NELL1: variants seen among roughly 807,000 people sequenced by gnomAD.
NELL1 encodes the protein neural EGFL like 1.
In NELL1, 76 loss-of-function variants were observed where a neutral mutation model predicts 107.4. The observed-to-expected ratio is 0.71, with a 90% CI of 0.59 to 0.86. The LOEUF is 0.86. Among genes scored for constraint, NELL1 ranks in the 40% least tolerant of loss-of-function variants. NELL1 has a pLI of 0.00. For missense variants in NELL1, 1,024 were observed against 1,005.5 expected, an observed-to-expected ratio of 1.02 and a Z score of -0.25; for synonymous variants, 353 against 341.2, an observed-to-expected ratio of 1.03 and a Z score of -0.38.
chr11:21,126,043 C>T (rs1020187595), intron 13 of NELL1, among the ~76,000 whole-genome samples: 1 of 152,174 alleles, frequency 6.6e-6, no homozygotes, highest in Non-Finnish European at 1.5e-5. Flanking sequence ...TTAGCAATTA[C>T]TACCTCTACA....
chr11:21,072,727 C>T (rs972130577), intron 12 of NELL1, among the ~76,000 whole-genome samples: 1 of 152,148 alleles, frequency 6.6e-6, no homozygotes, highest in Admixed American at 6.6e-5. Context: ...AAGTGAAGAA[C>T]GTATGCTTCA....
Position 21,286,145 on chromosome 11 carries a change from C to G in NELL1, c.1549+56691C>G, listed in dbSNP as rs1849110289. ...TCTTACAGTTTCCACCAGGCTCTGC[C>G]TTAATCATATTACCTTGGTCTAACC... On this transcript the variant is annotated intron_variant, in intron 14 of 19. Coordinates refer to ENST00000357134, the MANE Select transcript of NELL1 (RefSeq NM_006157.5). 2.0e-5 allele frequency among the ~76,000 whole-genome samples: 3 copies of G among 152,172 alleles called. No homozygotes were observed. In the South Asian group the frequency reaches 6.2e-4, roughly 31 times the overall value.
intron 12 of NELL1, among the ~76,000 whole-genome samples, chr11:21,017,469 T>G (rs1055839550): frequency 6.6e-6 from 1 of 152,114 alleles, no homozygotes; most frequent in South Asian, 2.1e-4. Context: ...TGATTATCTC[T>G]AATTACCTAT....
chr11:20,734,094 A>AG (rs1189998372), intron 2 of NELL1, among the ~76,000 whole-genome samples: 1 of 152,216 alleles, frequency 6.6e-6, no homozygotes, highest in Non-Finnish European at 1.5e-5. Context: ...TTCCTACTCC[A>AG]GGAGAAGGAC....
At chr11:20,687,170 C>T (rs916265909) in intron 2 of NELL1, among the ~76,000 whole-genome samples, 3 of 150,614 alleles carry the variant, frequency 2.0e-5, no homozygotes, top group East Asian at 3.9e-4. Context: ...GAAGGCCTCT[C>T]GTAATTTTAA....
intron 5 of NELL1, among the ~76,000 whole-genome samples, chr11:20,892,293 A>C (rs541306267): frequency 6.6e-6 from 1 of 152,332 alleles, no homozygotes; most frequent in East Asian, 1.9e-4. Flanking sequence ...TTAAGGCAGA[A>C]ATCAAGAAGT....
intron 15 of NELL1, among the ~76,000 whole-genome samples, chr11:21,382,677 C>T (rs533808433): frequency 6.6e-6 from 1 of 151,916 alleles, no homozygotes; most frequent in Admixed American, 6.6e-5. Context: ...CCCTTTGTAA[C>T]TTTACCATTA....
At chr11:20,746,693 T>C (rs916366149) in intron 2 of NELL1, among the ~76,000 whole-genome samples, 8 of 152,180 alleles carry the variant, frequency 5.3e-5, no homozygotes, top group African/African-American at 1.9e-4. Flanking sequence ...TGAAATCTTA[T>C]TTACAAGATA....
chr11:21,295,448 G>A (rs1326989458), intron 14 of NELL1, among the ~76,000 whole-genome samples: 1 of 152,010 alleles, frequency 6.6e-6, no homozygotes, highest in Non-Finnish European at 1.5e-5. Context: ...AGTAATGACA[G>A]ACAAAAAGAG....
intron 15 of NELL1, among the ~76,000 whole-genome samples, chr11:21,403,794 T>C (rs1371920828): frequency 6.6e-6 from 1 of 151,732 alleles, no homozygotes; most frequent in African/African-American, 2.4e-5. Flanking sequence ...AGCATCTACC[T>C]GGACACAGAA....
intron 15 of NELL1, among the ~76,000 whole-genome samples, chr11:21,518,972 G>C (rs1855643388): frequency 6.6e-6 from 1 of 152,092 alleles, no homozygotes; most frequent in African/African-American, 2.4e-5. Context: ...GCAATATGTA[G>C]CTCCAGGGTT....
chr11:21,229,498 C>T (rs745615503), intron 14 of NELL1, 44 bp downstream of exon 14: 1 of 1,610,994 alleles, frequency 6.2e-7, no homozygotes, highest in Admixed American at 1.7e-5. Context: ...AGCCATTCTG[C>T]CTGGGCTCTT....
At chr11:21,471,417 C>A (rs1054687097) in intron 15 of NELL1, among the ~76,000 whole-genome samples, 1 of 152,034 alleles carries the variant, frequency 6.6e-6, no homozygotes, top group Non-Finnish European at 1.5e-5. Context: ...TTCATCCTAA[C>A]AAGCCATCTT....
At chr11:21,429,634 A>C (rs1852918411) in intron 15 of NELL1, among the ~76,000 whole-genome samples, 1 of 152,216 alleles carries the variant, frequency 6.6e-6, no homozygotes, top group South Asian at 2.1e-4. Flanking sequence ...CAAATGCCAG[A>C]TGATTTGGAA....
chr11:20,767,456 C>T (rs779880440), intron 2 of NELL1, among the ~76,000 whole-genome samples: 7 of 152,108 alleles, frequency 4.6e-5, no homozygotes, highest in African/African-American at 9.7e-5. Flanking sequence ...CTGATTGGGA[C>T]GTTTTTACAG....
chr11:20,928,501 G>T (rs1468459047), intron 9 of NELL1, 22 bp downstream of exon 9: 2 of 1,563,936 alleles, frequency 1.3e-6, no homozygotes, highest in South Asian at 2.2e-5. Context: ...CTGAGGGTCA[G>T]ACTGGCTGTC....
At chr11:20,847,204 T>G (rs143473272) in intron 3 of NELL1, among the ~76,000 whole-genome samples, 15 of 152,328 alleles carry the variant, frequency 9.8e-5, no homozygotes, top group African/African-American at 3.6e-4. Flanking sequence ...AAGGTAAAGA[T>G]AATAGTTCTG....
intron 12 of NELL1, among the ~76,000 whole-genome samples, chr11:20,985,030 A>C (rs572823386): frequency 1.1e-4 from 16 of 152,286 alleles, no homozygotes; most frequent in African/African-American, 3.6e-4. Flanking sequence ...GCTGAAAAAT[A>C]TGTAAAATAA....
chr11:20,860,376 C>CTGAA (rs1337215437), intron 4 of NELL1, among the ~76,000 whole-genome samples: 1 of 152,110 alleles, frequency 6.6e-6, no homozygotes, highest in African/African-American at 2.4e-5. Context: ...TTGCAAATAC[C>CTGAA]TGAATGAATG....
Sources: allele counts gnomAD v4.1 joint callset (sites outside exome capture counted in the v4.1 genomes callset), GRCh38; gene constraint gnomAD v4.1.1; transcripts MANE v1.5; gene names NCBI Gene and HGNC (gene_info 2026-07-23, HGNC 2026-07-21).